WDFY4: variants seen among roughly 807,000 people sequenced by gnomAD.
The protein encoded by WDFY4 is WDFY family member 4, also known as WD repeat- and FYVE domain-containing protein 4.
A neutral mutation model predicts 351.9 loss-of-function variants in WDFY4; 169 were observed. The observed-to-expected ratio is 0.48, with a 90% CI of 0.42 to 0.55. The LOEUF (loss-of-function observed/expected upper bound fraction) is 0.55. Among genes scored for constraint, WDFY4 ranks in the 20% least tolerant of loss-of-function variants. The pLI is 0.00. For missense variants in WDFY4, 3,803 were observed against 3,935.6 expected (o/e 0.97, Z 0.90); for synonymous variants, 1,622 against 1,574.6 (o/e 1.03, Z -0.71).
rs544870325 is a variant in WDFY4 at position 48,742,908 on chromosome 10, T to G, written c.1879-60T>G. ...TGGGACGCTCTGGCAGGAATGTGTG[T>G]GGGCTCAGGGTTAATCTACCTCCTG... On this transcript the variant is annotated intron_variant, in intron 11 of 61. Coordinates refer to ENST00000325239, the MANE Select transcript of WDFY4 (RefSeq NM_001394531.1). 37 of 1,444,820 alleles carry G rather than the reference T, an allele frequency of 2.6e-5. No individual in the cohort carries two copies. The East Asian group carries it at 6.5e-4, about 25-fold the overall frequency. The allele number at this position is 1,444,820 out of a possible 1,614,324, so 89.5% of individuals were successfully genotyped here.
chr10:48,687,087 T>C (rs948154084), intron 1 of WDFY4, among the ~76,000 whole-genome samples: 8 of 152,192 alleles, frequency 5.3e-5, no homozygotes, highest in Admixed American at 5.2e-4. Context: ...TATCTTAGCA[T>C]GTTTTTAATT....
At chr10:48,906,347 A>G (rs1290762043) in intron 47 of WDFY4, among the ~76,000 whole-genome samples, 2 of 152,162 alleles carry the variant, frequency 1.3e-5, no homozygotes, top group Admixed American at 6.5e-5. Context: ...TGAGGCTTTC[A>G]GTGACAATGG....
chr10:48,749,799 G>C (rs1419856389), intron 12 of WDFY4, among the ~76,000 whole-genome samples: 1 of 152,174 alleles, frequency 6.6e-6, no homozygotes, highest in Non-Finnish European at 1.5e-5. Flanking sequence ...GTATAGCTCT[G>C]AGAAAAGCCC....
Position 48,982,641 on chromosome 10 carries a change from G to A in WDFY4, c.*66G>A, listed in dbSNP as rs763619919. On this transcript the variant is annotated 3_prime_UTR_variant, in exon 62 of 62. Transcript: ENST00000325239. ...GCTGAGGGTGGCAGAGGTGACTGGG[G>A]CCTGAGCTCTGCCTACAGAAGAAAC... is the stretch of plus-strand genomic sequence containing the variant. 1 of 1,491,992 alleles carries A rather than the reference G, an allele frequency of 6.7e-7. No individual in the cohort carries two copies. The highest frequency in any genetic ancestry group is 2.0e-5 in the Admixed American group (1 of 50,372). 92.4% of individuals were successfully genotyped at this position (1,491,992 alleles called of 1,614,324 possible).
intron 11 of WDFY4, among the ~76,000 whole-genome samples, chr10:48,739,978 C>T (rs1258749522): frequency 6.6e-6 from 1 of 152,164 alleles, no homozygotes; most frequent in African/African-American, 2.4e-5. Context: ...TTATAGTGGT[C>T]ACCCAGCACT....
intron 24 of WDFY4, 112 bp from the exon 25 acceptor site, chr10:48,803,174 T>A: frequency 9.9e-7 from 1 of 1,011,908 alleles, no homozygotes; most frequent in Non-Finnish European, 1.5e-6. Context: ...TACATCATGT[T>A]GATGATTCCA....
chr10:48,795,377 G>A (rs370988110), intron 23 of WDFY4, among the ~76,000 whole-genome samples: 50 of 151,536 alleles, frequency 3.3e-4, no homozygotes, highest in African/African-American at 1.2e-3. Context: ...GTGTCAGTTT[G>A]ACATTTGACA....
intron 13 of WDFY4, among the ~76,000 whole-genome samples, chr10:48,762,097 C>T (rs1020747227): frequency 6.6e-6 from 1 of 152,116 alleles, no homozygotes; most frequent in East Asian, 1.9e-4. Flanking sequence ...TTTGCTTTGT[C>T]CAGGAGTTCA....
intron 13 of WDFY4, among the ~76,000 whole-genome samples, chr10:48,767,611 T>C (rs2065713193): frequency 6.6e-6 from 1 of 152,036 alleles, no homozygotes; most frequent in Non-Finnish European, 1.5e-5. Flanking sequence ...CAGTTAGTCA[T>C]CAGATGTTAA....
intron 43 of WDFY4, among the ~76,000 whole-genome samples, chr10:48,889,213 G>T (rs1350389329): frequency 6.6e-6 from 1 of 152,244 alleles, no homozygotes; most frequent in Non-Finnish European, 1.5e-5. Flanking sequence ...GAGGCTCTCG[G>T]CTGGTCCTAG....
chr10:48,876,913 C>T, intron 42 of WDFY4, 120 bp from the exon 43 acceptor site: 1 of 1,002,648 alleles, frequency 1.0e-6, no homozygotes, highest in Non-Finnish European at 1.4e-6. Context: ...GAGATCCACG[C>T]TCTTCACTTC....
chr10:48,913,489 T>A, intron 47 of WDFY4: 1 of 1,613,898 alleles, frequency 6.2e-7, no homozygotes, highest in Non-Finnish European at 8.5e-7. Context: ...TTCTTGATTC[T>A]ATTCAGGTTG....
In WDFY4 at chr10:48,941,862, T is replaced by TC; in HGVS notation, c.7629+16dup. ...CAGAAGTGGCAGGTACAGTAGCTCC[T>TC]CCAGAGGGAAGCCCTCTGGGAATGC... On this transcript the variant is annotated intron_variant, in intron 48 of 61. Coordinates refer to ENST00000325239, the MANE Select transcript of WDFY4 (RefSeq NM_001394531.1). The TC allele has an allele frequency of 6.4e-7, 1 of 1,551,532 alleles. No homozygotes were observed. The highest frequency in any genetic ancestry group is 8.7e-7 in the Non-Finnish European group (1 of 1,146,914).
intron 12 of WDFY4, among the ~76,000 whole-genome samples, chr10:48,747,547 T>C (rs1288084516): frequency 2.6e-5 from 4 of 152,240 alleles, no homozygotes; most frequent in Admixed American, 6.5e-5. Flanking sequence ...TCTTTGTCTC[T>C]CTGTACTCTG....
chr10:48,831,318 G>A (rs2068181307), intron 38 of WDFY4, among the ~76,000 whole-genome samples: 2 of 152,186 alleles, frequency 1.3e-5, no homozygotes, highest in East Asian at 3.8e-4. Context: ...AATGTCCCTT[G>A]CATTCTATTC....
rs1554792801 is a variant in WDFY4, at chr10:48,857,481, C to CG, written c.6664-9781dup. Among the ~76,000 whole-genome samples the CG allele has an allele frequency of 9.3e-5, 14 of 150,326 alleles. No individual in the cohort carries two copies. In the East Asian group the frequency reaches 1.9e-3, roughly 21 times the overall value. On this transcript the variant is annotated intron_variant, in intron 39 of 61. Coordinates refer to ENST00000325239, the MANE Select transcript of WDFY4 (RefSeq NM_001394531.1). ...TGGGGCCTTCAATGCAATTTCAACA[C>CG]GGGAAAAAAAAGGCAAAAATGTCAT...
chr10:48,772,517 C>CTTTTTTTTTTTTTTTTTTTGTTTTTTT (rs10672319), intron 13 of WDFY4, among the ~76,000 whole-genome samples: 3 of 70,654 alleles, frequency 4.2e-5, no homozygotes, highest in Non-Finnish European at 8.1e-5. Flanking sequence ...GAGGGCAGTT[C>CTTTTTTTTTTTTTTTTTTTGTTTTTTT]TTTTTTTTTT....
At chr10:48,772,759 A>C (rs1589570059) in intron 13 of WDFY4, among the ~76,000 whole-genome samples, 2 of 141,932 alleles carry the variant, frequency 1.4e-5, no homozygotes, top group Non-Finnish European at 3.0e-5. Context: ...ATGTGATCTC[A>C]TTGTTCAATT....
rs767808069 is a variant in WDFY4 at position 48,982,662 on chromosome 10, G to A, written c.*87G>A. On this transcript the variant is annotated 3_prime_UTR_variant, in exon 62 of 62. Transcript: ENST00000325239. ...TGGGGCCTGAGCTCTGCCTACAGAA[G>A]AAACCCCCAGGGCCTCCTTCCCCAC... The A allele has an allele frequency of 7.3e-7, 1 of 1,373,306 alleles. No individual in the cohort carries two copies. Among genetic ancestry groups the A allele is most frequent in the South Asian group, 1.2e-5 (1 of 80,004 alleles). 85.1% of individuals were successfully genotyped at this position (1,373,306 alleles called of 1,614,324 possible).
Sources: gnomAD v4.1 joint callset for allele counts (sites outside exome capture counted in the v4.1 genomes callset) on GRCh38, gnomAD v4.1.1 for gene constraint, MANE v1.5 for transcripts, NCBI Gene and HGNC (gene_info 2026-07-23, HGNC 2026-07-21) for gene names.